XIRP2: variants seen among roughly 807,000 people sequenced by gnomAD.
XIRP2 encodes xin actin-binding repeat-containing protein 2.
A neutral mutation model predicts 277.0 loss-of-function variants in XIRP2; 236 were observed. That is an observed-to-expected ratio of 0.85 (90% CI 0.77 to 0.95). XIRP2 has a LOEUF of 0.95. Among genes scored for constraint, XIRP2 ranks in the 40% least tolerant of loss-of-function variants. The pLI is 0.00. For synonymous variants in XIRP2, 1,490 were observed against 1,416.5 expected, an observed-to-expected ratio of 1.05 and a Z score of -1.17; for missense variants, 4,640 against 4,157.5, an observed-to-expected ratio of 1.12 and a Z score of -3.19.
chr2:167,238,551 C>G (rs540762132), intron 5 of XIRP2, among the ~76,000 whole-genome samples: 15 of 152,132 alleles, frequency 9.9e-5, no homozygotes, highest in African/African-American at 3.6e-4. Context: ...CATCTACTGG[C>G]ATTAATTTTA....
At chr2:166,947,177 G>A (rs1218995504) in intron 2 of XIRP2, among the ~76,000 whole-genome samples, 4 of 152,044 alleles carry the variant, frequency 2.6e-5, no homozygotes, top group Non-Finnish European at 5.9e-5. Flanking sequence ...AAAAAAGGTG[G>A]CATTTAAAAC....
chr2:167,201,633 T>C (rs1300506079), intron 3 of XIRP2, among the ~76,000 whole-genome samples: 1 of 152,218 alleles, frequency 6.6e-6, no homozygotes, highest in Non-Finnish European at 1.5e-5. Flanking sequence ...CTGAGGAATT[T>C]GCTTTGATTT....
At chr2:166,933,152 A>AT (rs1393891224) in intron 2 of XIRP2, among the ~76,000 whole-genome samples, 3 of 150,366 alleles carry the variant, frequency 2.0e-5, no homozygotes, top group Non-Finnish European at 3.0e-5. Flanking sequence ...CTTATATATC[A>AT]ATTTTTTTTT....
Position 167,239,858 on chromosome 2 carries a change from G to A in XIRP2, c.862G>A (p.Ala288Thr). The A allele has an allele frequency of 6.2e-7, 1 of 1,604,356 alleles. No homozygotes were observed. The highest frequency in any genetic ancestry group is 8.5e-7 in the Non-Finnish European group (1 of 1,176,790). ...YQHQNRSEQE[A>T]IHSSQVGTSR... is the part of the protein sequence containing the mutation. ...CTGTCTGTCTGTGTGCTTTCAGGAG[G>A]CAATTCATAGCAGCCAGGTTGGCAC... Residue 288 changes from alanine (A) to threonine (T), a missense_variant, in exon 6 of 11, where the codon GCA (alanine) becomes ACA (threonine). Physicochemically the swap from Ala to Thr is moderately conservative, Grantham distance 58. Coordinates refer to ENST00000409195, the MANE Select transcript of XIRP2 (RefSeq NM_152381.6).
rs376728985 is a variant in XIRP2, at chr2:167,209,903, G to A, written c.563-832G>A. Among the ~76,000 whole-genome samples the A allele has an allele frequency of 1.3e-4, 20 of 152,216 alleles. 1 individual carries two copies. Among genetic ancestry groups the A allele is most frequent in the African/African-American group, 4.1e-4 (17 of 41,544 alleles). ...GCCTAAAAGGAGTTGATTAGATTGG[G>A]TTAGGTTCGATGATCTCTAAGATCA... On this transcript the variant is annotated intron_variant, in intron 3 of 10. Transcript: ENST00000409195.
chr2:167,175,919 A>G (rs1476839153), intron 3 of XIRP2, among the ~76,000 whole-genome samples: 1 of 152,142 alleles, frequency 6.6e-6, no homozygotes, highest in Non-Finnish European at 1.5e-5. Context: ...TTACCCTGTG[A>G]GGGAAAAACC....
At chr2:167,101,414 C>T (rs1690483049) in intron 2 of XIRP2, among the ~76,000 whole-genome samples, 1 of 151,946 alleles carries the variant, frequency 6.6e-6, no homozygotes, top group South Asian at 2.1e-4. Flanking sequence ...TTTGGTGCAC[C>T]CATCACCCAA....
At chr2:167,124,694 G>C (rs1314406922) in intron 2 of XIRP2, among the ~76,000 whole-genome samples, 1 of 152,126 alleles carries the variant, frequency 6.6e-6, no homozygotes, top group Non-Finnish European at 1.5e-5. Flanking sequence ...CTCTGACATG[G>C]AGTGATTGTT....
At chr2:166,943,546 C>G (rs1685776952) in intron 2 of XIRP2, among the ~76,000 whole-genome samples, 2 of 152,184 alleles carry the variant, frequency 1.3e-5, no homozygotes, top group African/African-American at 4.8e-5. Context: ...GCAAACAATG[C>G]CTTTCTACTT....
chr2:167,006,193 C>T (rs947075932), intron 2 of XIRP2, among the ~76,000 whole-genome samples: 10 of 151,624 alleles, frequency 6.6e-5, no homozygotes, highest in Non-Finnish European at 8.9e-5. Flanking sequence ...CAAGACATTT[C>T]GAGGAGCTTT....
intron 2 of XIRP2, among the ~76,000 whole-genome samples, chr2:167,001,158 T>C (rs1251393735): frequency 6.6e-6 from 1 of 152,178 alleles, no homozygotes; most frequent in Non-Finnish European, 1.5e-5. Flanking sequence ...TGATTTAATG[T>C]TACCGATACC....
intron 3 of XIRP2, among the ~76,000 whole-genome samples, chr2:167,194,380 C>A (rs1693440083): frequency 6.6e-6 from 1 of 152,126 alleles, no homozygotes; most frequent in Non-Finnish European, 1.5e-5. Flanking sequence ...CACACCTGGC[C>A]CATCTTTACA....
intron 2 of XIRP2, among the ~76,000 whole-genome samples, chr2:166,923,665 A>T (rs1014746963): frequency 6.6e-6 from 1 of 152,094 alleles, no homozygotes; most frequent in African/African-American, 2.4e-5. Flanking sequence ...TCCCAGACAG[A>T]TGGTAGCCGA....
At chr2:167,132,004 A>C (rs1691391176) in intron 2 of XIRP2, among the ~76,000 whole-genome samples, 1 of 151,340 alleles carries the variant, frequency 6.6e-6, no homozygotes, top group South Asian at 2.1e-4. Flanking sequence ...TCTCTCTCTC[A>C]TTCTCTCTCT....
chr2:167,058,035 T>C (rs1469849087), intron 2 of XIRP2, among the ~76,000 whole-genome samples: 18 of 139,692 alleles, frequency 1.3e-4, no homozygotes, highest in African/African-American at 4.1e-4. Context: ...TTTTATTTTA[T>C]TTTATTTTAT....
intron 2 of XIRP2, among the ~76,000 whole-genome samples, chr2:167,089,123 T>A (rs1690065528): frequency 6.6e-6 from 1 of 152,178 alleles, no homozygotes; most frequent in African/African-American, 2.4e-5. Flanking sequence ...GATGTCAGCT[T>A]CATCCTCAGG....
At chr2:167,067,581 A>G (rs1689328959) in intron 2 of XIRP2, among the ~76,000 whole-genome samples, 1 of 152,232 alleles carries the variant, frequency 6.6e-6, no homozygotes, top group African/African-American at 2.4e-5. Context: ...CCATACTGTC[A>G]GCTATTTTTA....
intron 2 of XIRP2, among the ~76,000 whole-genome samples, chr2:166,917,143 T>C (rs534871554): frequency 6.6e-6 from 1 of 152,258 alleles, no homozygotes; most frequent in South Asian, 2.1e-4. Flanking sequence ...GAAAGAAGCT[T>C]TGGGCAAAGA....
intron 5 of XIRP2, among the ~76,000 whole-genome samples, chr2:167,225,565 C>T (rs1042741363): frequency 6.6e-6 from 1 of 151,794 alleles, no homozygotes; most frequent in Non-Finnish European, 1.5e-5. Context: ...GCTTTTTTTT[C>T]GACACAGGTG....
Sources: gnomAD v4.1 joint callset for allele counts (sites outside exome capture counted in the v4.1 genomes callset) on GRCh38, gnomAD v4.1.1 for gene constraint, MANE v1.5 for transcripts, NCBI Gene and HGNC (gene_info 2026-07-23, HGNC 2026-07-21) for gene names.